Variants in PUDP observed in about 807,000 individuals in gnomAD.
The protein encoded by PUDP is pseudouridine-5'-phosphatase.
Under a neutral mutation model 9.4 loss-of-function variants are expected in PUDP, and 8 were observed. The observed-to-expected ratio is 0.85, with a 90% CI of 0.50 to 1.53. The LOEUF is 1.53. PUDP is among the 40% of genes most tolerant of loss of function. The pLI is 0.00. For missense variants in PUDP, 188 were observed against 189.7 expected, an observed-to-expected ratio of 0.99 and a Z score of 0.05; for synonymous variants, 99 against 80.7, an observed-to-expected ratio of 1.23 and a Z score of -1.22.
intron 3 of PUDP, among the ~76,000 whole-genome samples, chrX:6,767,021 T>C (rs1420266842): frequency 1.8e-5 from 2 of 113,069 alleles, no homozygotes; most frequent in African/African-American, 6.4e-5. Flanking sequence ...TCCATACCAA[T>C]TTTTTAAACT....
At chrX:6,999,754 A>G (rs767734669) in intron 1 of PUDP, among the ~76,000 whole-genome samples, 39 of 109,566 alleles carry the variant, frequency 3.6e-4, no homozygotes, top group African/African-American at 1.2e-3. Context: ...TGTGTAACCA[A>G]ACACCACCTG....
chrX:6,913,379 C>G (rs778375028), intron 3 of PUDP, among the ~76,000 whole-genome samples: 1 of 111,284 alleles, frequency 9.0e-6, no homozygotes, highest in East Asian at 2.8e-4. Context: ...TGTGGAAAAC[C>G]CTAGAAATAT....
chrX:7,021,969 A>T (rs1166854359), intron 1 of PUDP, among the ~76,000 whole-genome samples: 1 of 112,162 alleles, frequency 8.9e-6, no homozygotes, highest in Non-Finnish European at 1.9e-5. Context: ...CTGCAAAGTC[A>T]TTTCATCCCT....
chrX:6,741,176 A>C (rs1924931957), intron 3 of PUDP, among the ~76,000 whole-genome samples: 1 of 109,285 alleles, frequency 9.2e-6, no homozygotes, highest in African/African-American at 3.4e-5. Context: ...AAAAAAAAAA[A>C]CTCGGCAGAG....
At chrX:6,857,926 C>G (rs73455746) in intron 3 of PUDP, among the ~76,000 whole-genome samples, 1,339 of 111,610 alleles carry the variant, frequency 0.012, 16 homozygotes, top group African/African-American at 0.04. Context: ...CTTCTGAAAC[C>G]TTTGGAATTT....
intron 3 of PUDP, among the ~76,000 whole-genome samples, chrX:6,848,480 C>T (rs1323219438): frequency 8.9e-6 from 1 of 112,213 alleles, no homozygotes; most frequent in Admixed American, 9.4e-5. Context: ...ATTTTGTAGA[C>T]ATTACAGATG....
intron 1 of PUDP, among the ~76,000 whole-genome samples, chrX:7,123,039 G>A (rs779482816): frequency 1.6e-4 from 18 of 111,543 alleles, no homozygotes; most frequent in South Asian, 3.8e-4. Context: ...TTAAAAAAAC[G>A]TCTCTGGTGT....
chrX:6,985,009 G>T (rs1602701915), intron 1 of PUDP, among the ~76,000 whole-genome samples: 1 of 111,739 alleles, frequency 8.9e-6, no homozygotes, highest in Non-Finnish European at 1.9e-5. Flanking sequence ...AGTGCTTTTG[G>T]GTTGGTCAAA....
Position 6,974,583 on chromosome X carries a change from G to A in PUDP, c.*247+2550C>T, listed in dbSNP as rs750580159. Among the ~76,000 whole-genome samples, 5 of 112,267 alleles carry A rather than the reference G, an allele frequency of 4.5e-5. No homozygotes were observed. The South Asian group carries it at 1.9e-3, about 42-fold the overall frequency. On this transcript the variant is annotated intron_variant and NMD_transcript_variant, in intron 3 of 3. Coordinates refer to the PUDP transcript ENST00000655425. ...TAGTGTTTCTGCAGAGAGATCCACTGTTAGTCTGATGGGCTTCCCTTTGTG... is the reference window on the plus strand; with the variant it reads ...TAGTGTTTCTGCAGAGAGATCCACTATTAGTCTGATGGGCTTCCCTTTGTG...
At chrX:6,918,409 T>C (rs1343003570) in intron 3 of PUDP, among the ~76,000 whole-genome samples, 1 of 112,375 alleles carries the variant, frequency 8.9e-6, no homozygotes, top group African/African-American at 3.2e-5. Context: ...CTGATCCTCA[T>C]TGCAGTATGC....
At chrX:6,857,343 T>C (rs190234416) in intron 3 of PUDP, among the ~76,000 whole-genome samples, 2 of 113,265 alleles carry the variant, frequency 1.8e-5, no homozygotes, top group East Asian at 5.6e-4. Context: ...GCTGCACTCA[T>C]AGAATTTCTT....
intron 2 of PUDP, among the ~76,000 whole-genome samples, chrX:7,088,139 A>C (rs1288160456): frequency 8.9e-6 from 1 of 112,747 alleles, no homozygotes; most frequent in Non-Finnish European, 1.9e-5. Flanking sequence ...ATTGAAAATA[A>C]AAGAGACAAA....
intron 1 of PUDP, chrX:7,112,948 C>G (rs1032484351): frequency 8.9e-6 from 1 of 112,605 alleles, no homozygotes; most frequent in African/African-American, 3.2e-5. Flanking sequence ...CAGGTGTGAG[C>G]CACGGTGCCC....
chrX:6,871,047 A>G (rs1927167722), intron 3 of PUDP, among the ~76,000 whole-genome samples: 2 of 112,014 alleles, frequency 1.8e-5, no homozygotes, highest in African/African-American at 6.5e-5. Context: ...ATGTTGCCCA[A>G]GCTGGTCTCA....
intron 1 of PUDP, among the ~76,000 whole-genome samples, chrX:6,713,268 C>T (rs746730863): frequency 1.8e-5 from 2 of 111,865 alleles, no homozygotes; most frequent in East Asian, 5.6e-4. Context: ...AAACAAGATG[C>T]CATTTCCAAA....
intron 3 of PUDP, among the ~76,000 whole-genome samples, chrX:6,864,587 A>C (rs1453672067): frequency 8.9e-6 from 1 of 111,842 alleles, no homozygotes; most frequent in Non-Finnish European, 1.9e-5. Flanking sequence ...ACAGTTCTGA[A>C]GGACAGAAGT....
chrX:6,944,149 C>A (rs751859715), intron 3 of PUDP, among the ~76,000 whole-genome samples: 1 of 110,715 alleles, frequency 9.0e-6, no homozygotes, highest in Admixed American at 9.6e-5. Context: ...TGGTTTCCCC[C>A]ATGCTGTTCT....
intron 3 of PUDP, among the ~76,000 whole-genome samples, chrX:6,753,006 T>C: frequency 9.0e-6 from 1 of 111,526 alleles, no homozygotes; most frequent in African/African-American, 3.3e-5. Context: ...ACCCACATTT[T>C]TTTTTAAGTG....
chrX:6,752,179 G>C (rs1925101532), intron 3 of PUDP, among the ~76,000 whole-genome samples: 2 of 111,375 alleles, frequency 1.8e-5, no homozygotes, highest in Admixed American at 1.9e-4. Flanking sequence ...CTCTCCTTTG[G>C]CCTCTGACAG....
Sources: allele counts gnomAD v4.1 joint callset (sites outside exome capture counted in the v4.1 genomes callset), GRCh38; gene constraint gnomAD v4.1.1; transcripts MANE v1.5; gene names NCBI Gene and HGNC (gene_info 2026-07-23, HGNC 2026-07-21).